Variants in GPR107 observed in about 807,000 individuals in gnomAD.
GPR107 encodes the protein G protein-coupled receptor 107.
Under a neutral mutation model 75.5 loss-of-function variants are expected in GPR107, and 31 were observed. That is an observed-to-expected ratio of 0.41 (90% CI 0.31 to 0.55). The LOEUF is 0.55. GPR107 is among the 20% of genes least tolerant of loss of function. The pLI is 0.26. For synonymous variants in GPR107, 267 were observed against 251.3 expected (o/e 1.06, Z -0.59); for missense variants, 572 against 665.7 (o/e 0.86, Z 1.55).
Position 130,079,878 on chromosome 9 carries a change from T to TA in GPR107, c.526+110dup, listed in dbSNP as rs769216843. ...ACATGATCTGTTGTCGTCTTAGCAT[T>TA]ATATTTTGGAAGTTACACAAAAATA... On this transcript the variant is annotated intron_variant, in intron 5 of 17. Transcript: ENST00000347136. 49 of 606,842 alleles carry TA rather than the reference T, an allele frequency of 8.1e-5. No homozygotes were observed. In the East Asian group the frequency reaches 9.1e-4, roughly 11 times the overall value. The allele number at this position is 606,842 out of a possible 1,614,324, so 37.6% of individuals were successfully genotyped here. A position where few individuals can be genotyped will look rare whatever the true frequency, so the allele number is the denominator to read the frequency against.
At chr9:130,055,527 CAAA>C (rs60907055) in intron 1 of GPR107, among the ~76,000 whole-genome samples, 25 of 108,044 alleles carry the variant, frequency 2.3e-4, no homozygotes, top group Admixed American at 1.8e-4. Flanking sequence ...GACTCCGTCT[CAAA>C]AAAAAAAAAA....
chr9:130,083,388 G>T, intron 5 of GPR107, 177 bp from the exon 6 acceptor site: 2 of 396,336 alleles, frequency 5.0e-6, no homozygotes, highest in Non-Finnish European at 9.0e-6. Flanking sequence ...CTAATTTGCT[G>T]CTTCGACAGT....
Position 130,114,330 on chromosome 9 carries a change from C to A in GPR107, c.1306+6791C>A, listed in dbSNP as rs577328148. 2.0e-5 allele frequency among the ~76,000 whole-genome samples: 3 copies of A among 152,156 alleles called. No individual in the cohort carries two copies. In the East Asian group the frequency reaches 5.8e-4, roughly 29 times the overall value. On this transcript the variant is annotated intron_variant, in intron 14 of 17. Transcript: ENST00000347136. Reference sequence around the variant, plus strand: ...TTTGCAGTGAATTGAGATTGTGCCACTGCACTCCAGCCTGGGCCGCAGAGT... The same window carrying A: ...TTTGCAGTGAATTGAGATTGTGCCAATGCACTCCAGCCTGGGCCGCAGAGT...
intron 17 of GPR107, chr9:130,129,924 G>A (rs773585035): frequency 2.0e-5 from 3 of 152,250 alleles, no homozygotes; most frequent in Non-Finnish European, 4.4e-5. Context: ...CGTAATGGGA[G>A]GTTCCCGCTT....
chr9:130,120,184 G>A (rs73670513), intron 14 of GPR107, among the ~76,000 whole-genome samples: 1,666 of 152,318 alleles, frequency 0.011, 31 homozygotes, highest in African/African-American at 0.038. Context: ...AGGTCCATTT[G>A]TCAGTCTTAG....
chr9:130,075,002 C>T (rs1182600030), intron 1 of GPR107, among the ~76,000 whole-genome samples: 2 of 151,528 alleles, frequency 1.3e-5, no homozygotes, highest in Non-Finnish European at 2.9e-5. Context: ...CTGGAATTCA[C>T]ATTTCAGCCA....
chr9:130,092,177 G>C lies in GPR107; in HGVS notation c.730-71G>C. On this transcript the variant is annotated intron_variant, in intron 8 of 17. Coordinates refer to ENST00000347136, the MANE Select transcript of GPR107 (RefSeq NM_020960.5). Reference sequence around the variant, plus strand: ...TTTCTTAAGCTTAAGTGAAACAACTGAGATTCCAAATTGCTGAATAAGGGA... The same window carrying C: ...TTTCTTAAGCTTAAGTGAAACAACTCAGATTCCAAATTGCTGAATAAGGGA... 1.5e-5 allele frequency: 20 copies of C among 1,344,470 alleles called. No individual in the cohort carries two copies. In the South Asian group the frequency reaches 2.3e-4, roughly 15 times the overall value. The allele number at this position is 1,344,470 out of a possible 1,614,324, so 83.3% of individuals were successfully genotyped here.
chr9:130,114,141 A>G (rs1831369030), intron 14 of GPR107, among the ~76,000 whole-genome samples: 2 of 149,820 alleles, frequency 1.3e-5, no homozygotes, highest in Admixed American at 6.7e-5. Flanking sequence ...GGCGGAGGCA[A>G]ACGGATCAGT....
Position 130,135,225 on chromosome 9 carries a change from G to A in GPR107, c.*104G>A, listed in dbSNP as rs570005301. ...CCTACAGTGAACTATTGGCACCACC[G>A]ACAGTGACACCAGGGCACATGGCTG... On this transcript the variant is annotated 3_prime_UTR_variant, in exon 18 of 18. Transcript: ENST00000347136. 3.4e-5 allele frequency: 21 copies of A among 617,846 alleles called. No homozygotes were observed. Among genetic ancestry groups the A allele is most frequent in the African/African-American group, 2.2e-4 (12 of 53,872 alleles). 38.3% of individuals were successfully genotyped at this position (617,846 alleles called of 1,614,324 possible). A position where few individuals can be genotyped will look rare whatever the true frequency, so the allele number is the denominator to read the frequency against.
chr9:130,064,242 C>G (rs1010869385), intron 1 of GPR107, among the ~76,000 whole-genome samples: 2 of 127,200 alleles, frequency 1.6e-5, no homozygotes, highest in Non-Finnish European at 3.1e-5. Flanking sequence ...CCAGGCCGGA[C>G]TGCGGACTGC....
chr9:130,091,870 G>C (rs10819598), intron 8 of GPR107, among the ~76,000 whole-genome samples: 1 of 152,026 alleles, frequency 6.6e-6, no homozygotes. Flanking sequence ...TAATTTTTGT[G>C]TTTTTCGTAG....
intron 9 of GPR107, among the ~76,000 whole-genome samples, chr9:130,094,805 C>T (rs1277007114): frequency 3.3e-5 from 5 of 151,914 alleles, no homozygotes; most frequent in African/African-American, 9.7e-5. Flanking sequence ...CTCAGCCTCC[C>T]GAGTAACTGG....
chr9:130,117,717 C>A (rs2132636953), intron 14 of GPR107, among the ~76,000 whole-genome samples: 1 of 152,264 alleles, frequency 6.6e-6, no homozygotes. Context: ...CTCAAAATTC[C>A]CTCTGAAGCC....
chr9:130,100,945 G>T (rs1050843085), intron 11 of GPR107, among the ~76,000 whole-genome samples, 161 bp from the exon 12 acceptor site: 1 of 152,204 alleles, frequency 6.6e-6, no homozygotes, highest in Non-Finnish European at 1.5e-5. Context: ...AGCTAACTGT[G>T]TGCCCTGAAG....
At position 130,090,861 on chromosome 9, in the gene GPR107, C is replaced by G. The variant is rs776400779; in HGVS notation, c.622-15C>G. The G allele has an allele frequency of 1.0e-6, 1 of 956,436 alleles. No homozygotes were observed. Among genetic ancestry groups the G allele is most frequent in the Non-Finnish European group, 1.7e-6 (1 of 604,912 alleles). The allele number at this position is 956,436 out of a possible 1,614,324, so 59.2% of individuals were successfully genotyped here. On this transcript the variant is annotated splice_polypyrimidine_tract_variant and intron_variant, in intron 7 of 17. Coordinates refer to ENST00000347136, the MANE Select transcript of GPR107 (RefSeq NM_020960.5). ...GGATTTGGGTACCTTTAAATGTTTT[C>G]TTCTTCACTTTCAGTTTTTCTTTAA...
intron 1 of GPR107, among the ~76,000 whole-genome samples, chr9:130,071,233 C>A (rs923001113): frequency 3.3e-5 from 5 of 149,796 alleles, no homozygotes; most frequent in Non-Finnish European, 7.4e-5. Context: ...TTCTCTGTTG[C>A]CTAGGGTGGT....
chr9:130,123,959 TTC>T (rs1265634009), intron 14 of GPR107, among the ~76,000 whole-genome samples: 1 of 152,214 alleles, frequency 6.6e-6, no homozygotes, highest in African/African-American at 2.4e-5. Flanking sequence ...CTGTGAGACT[TTC>T]TGAGTGTCCC....
At chr9:130,096,736 G>A (rs1427694818) in intron 9 of GPR107, among the ~76,000 whole-genome samples, 1 of 152,148 alleles carries the variant, frequency 6.6e-6, no homozygotes, top group Non-Finnish European at 1.5e-5. Context: ...GGGATTACAG[G>A]CGTGAGCCAC....
At chr9:130,063,216 AGTCTCGCTCTGTC>A (rs1463658750) in intron 1 of GPR107, among the ~76,000 whole-genome samples, 40 of 150,526 alleles carry the variant, frequency 2.7e-4, no homozygotes, top group Admixed American at 2.6e-3. Flanking sequence ...TTTGAGACGG[AGTCTCGCTCTGTC>A]GCCCAGGCTG....
Sources: allele counts gnomAD v4.1 joint callset (sites outside exome capture counted in the v4.1 genomes callset), GRCh38; gene constraint gnomAD v4.1.1; transcripts MANE v1.5; gene names NCBI Gene and HGNC (gene_info 2026-07-23, HGNC 2026-07-21).